The following EPC1 variants were observed in gnomAD, a reference collection of about 807,000 sequenced individuals.
EPC1 encodes the protein enhancer of polycomb 1.
Under a neutral mutation model 98.4 loss-of-function variants are expected in EPC1, and 12 were observed. That is an observed-to-expected ratio of 0.12 (90% confidence interval 0.08 to 0.20). EPC1 has a LOEUF of 0.20. EPC1 is among the 10% of genes least tolerant of loss of function. The pLI, the probability that EPC1 is intolerant of heterozygous loss-of-function variation, is 1.00. For missense variants in EPC1, 729 were observed against 990.5 expected, an observed-to-expected ratio of 0.74 and a Z score of 3.54; for synonymous variants, 357 against 363.9, an observed-to-expected ratio of 0.98 and a Z score of 0.21.
chr10:32,349,253 A>C (rs1839039495), upstream of EPC1, among the ~76,000 whole-genome samples: 1 of 152,242 alleles, frequency 6.6e-6, no homozygotes, highest in African/African-American at 2.4e-5. Flanking sequence ...TGAACCAAGG[A>C]AATGAATTAT....
chr10:32,345,377 G>A, intron 1 of EPC1: 2 of 985,350 alleles, frequency 2.0e-6, no homozygotes, highest in South Asian at 4.7e-5. Context: ...ACAACCCAAA[G>A]AGTTTAAACA....
intron 2 of EPC1, among the ~76,000 whole-genome samples, chr10:32,298,685 T>C (rs773232761): frequency 6.6e-6 from 1 of 152,286 alleles, no homozygotes; most frequent in African/African-American, 2.4e-5. Flanking sequence ...AGCTAGAGCT[T>C]GGGGTCACTT....
At chr10:32,302,683 G>A (rs1322886377) in intron 2 of EPC1, among the ~76,000 whole-genome samples, 2 of 150,292 alleles carry the variant, frequency 1.3e-5, no homozygotes, top group African/African-American at 2.4e-5. Context: ...GGGGAGCGGC[G>A]CAAAAGACAT....
Position 32,275,615 on chromosome 10 carries a change from C to A in EPC1, c.1745-2334G>T, listed in dbSNP as rs199835529. 7.8e-3 allele frequency among the ~76,000 whole-genome samples: 1,067 copies of A among 136,600 alleles called. 20 individuals are homozygous for A. Among genetic ancestry groups the A allele is most frequent in the African/African-American group, 0.028 (1,028 of 37,130 alleles). 89.6% of individuals were successfully genotyped at this position (136,600 alleles called of 152,430 possible). A position where few individuals can be genotyped will look rare whatever the true frequency, so the allele number is the denominator to read the frequency against. On this transcript the variant is annotated intron_variant, in intron 10 of 13. Transcript: ENST00000319778. ...CCCCATCTCTACCAAAAAAAAAAAA[C>A]AAAAAAAAAATTAGCCGGGCGTGGT...
In EPC1 at chr10:32,271,441, C is replaced by T. The variant is rs1835839086; in HGVS notation, c.2369+113G>A. ...TGATCAATTCTCAACTATACATTTT[C>T]AATGTATAAAAGGAAAAGAACAAGA... On this transcript the variant is annotated intron_variant, in intron 13 of 13. Coordinates refer to ENST00000319778, the MANE Select transcript of EPC1 (RefSeq NM_001272004.3). 4 of 1,160,640 alleles carry T rather than the reference C, an allele frequency of 3.4e-6. No individual in the cohort carries two copies. In the African/African-American group the frequency reaches 4.6e-5, roughly 13 times the overall value. 71.9% of individuals were successfully genotyped at this position (1,160,640 alleles called of 1,614,324 possible).
chr10:32,342,947 C>A (rs188825028), intron 1 of EPC1, among the ~76,000 whole-genome samples: 3 of 152,132 alleles, frequency 2.0e-5, no homozygotes, highest in Admixed American at 1.3e-4. Flanking sequence ...GTAAGTTTAA[C>A]CTTTCAATAG....
At chr10:32,315,713 G>A (rs951381022) in intron 1 of EPC1, among the ~76,000 whole-genome samples, 9 of 152,136 alleles carry the variant, frequency 5.9e-5, no homozygotes, top group African/African-American at 2.2e-4. Flanking sequence ...ACTCTATGGA[G>A]GAACACTGCT....
intron 1 of EPC1, 69 bp downstream of exon 1, chr10:32,346,694 T>TCCGCCG: frequency 1.3e-6 from 2 of 1,498,558 alleles, no homozygotes; most frequent in Non-Finnish European, 1.8e-6. Context: ...GGTTTGCTGC[T>TCCGCCG]CCGCCGCCGC....
intron 1 of EPC1, among the ~76,000 whole-genome samples, chr10:32,361,958 T>A (rs1273365601): frequency 1.3e-5 from 2 of 152,158 alleles, no homozygotes; most frequent in South Asian, 2.1e-4. Context: ...GAGAGTGACC[T>A]CTGCTACACT....
At chr10:32,291,393 T>A in intron 5 of EPC1, 71 bp from the exon 6 acceptor site, 1 of 1,180,964 alleles carries the variant, frequency 8.5e-7, no homozygotes. Flanking sequence ...TTGATATACA[T>A]TTATACTGTG....
chr10:32,367,886 A>G (rs562543631), intron 1 of EPC1, among the ~76,000 whole-genome samples: 1 of 152,324 alleles, frequency 6.6e-6, no homozygotes, highest in South Asian at 2.1e-4. Flanking sequence ...TTTTGGGAGA[A>G]GAATGCTAAG....
intron 1 of EPC1, among the ~76,000 whole-genome samples, chr10:32,367,799 C>T (rs1426411533): frequency 2.0e-5 from 3 of 152,206 alleles, no homozygotes; most frequent in Non-Finnish European, 4.4e-5. Context: ...AACAGCAGTG[C>T]CATTCTGCTG....
At chr10:32,329,573 C>T (rs1837517275) in intron 1 of EPC1, among the ~76,000 whole-genome samples, 1 of 152,184 alleles carries the variant, frequency 6.6e-6, no homozygotes, top group Admixed American at 6.5e-5. Context: ...ATAGTAACCA[C>T]AGGGTAGACT....
At chr10:32,373,448 A>G (rs1839806152) in intron 1 of EPC1, among the ~76,000 whole-genome samples, 1 of 152,230 alleles carries the variant, frequency 6.6e-6, no homozygotes, top group African/African-American at 2.4e-5. Flanking sequence ...ACATAAAGCA[A>G]TTAAGTGCTA....
In EPC1 at chr10:32,344,816, T is replaced by C. The variant is rs1838647879; in HGVS notation, c.153+1947A>G. On this transcript the variant is annotated intron_variant, in intron 1 of 13. Coordinates refer to ENST00000319778, the MANE Select transcript of EPC1 (RefSeq NM_001272004.3). ...AAGAAAAGAAGAAAAATCTAAATTA[T>C]TTCAGCGAATAAAAATTACCCGTAA... Among the ~76,000 whole-genome samples the C allele has an allele frequency of 2.6e-5, 4 of 152,082 alleles. No homozygotes were observed. The South Asian group carries it at 8.3e-4, about 32-fold the overall frequency.
At chr10:32,337,900 T>G (rs1276764726) in intron 1 of EPC1, among the ~76,000 whole-genome samples, 1 of 152,230 alleles carries the variant, frequency 6.6e-6, no homozygotes, top group African/African-American at 2.4e-5. Context: ...ATCTTCTCAG[T>G]GGACATAGTT....
chr10:32,358,511 G>C (rs1839345505), intron 1 of EPC1, among the ~76,000 whole-genome samples: 1 of 151,780 alleles, frequency 6.6e-6, no homozygotes, highest in Admixed American at 6.6e-5. Flanking sequence ...AGGGTGTGGT[G>C]GTGCACACCT....
intron 2 of EPC1, among the ~76,000 whole-genome samples, chr10:32,303,567 A>G (rs1835699501): frequency 6.6e-6 from 1 of 152,364 alleles, no homozygotes; most frequent in Non-Finnish European, 1.5e-5. Flanking sequence ...TACATACTGC[A>G]TGATTCCATT....
chr10:32,334,583 TACA>T (rs1174699764), intron 1 of EPC1, among the ~76,000 whole-genome samples: 1 of 152,146 alleles, frequency 6.6e-6, no homozygotes. Context: ...ACAAAAAAAG[TACA>T]ACATCCTCTT....
Sources: gnomAD v4.1 joint callset for allele counts (sites outside exome capture counted in the v4.1 genomes callset) on GRCh38, gnomAD v4.1.1 for gene constraint, MANE v1.5 for transcripts, NCBI Gene and HGNC (gene_info 2026-07-23, HGNC 2026-07-21) for gene names.